Variants in CEP83 observed in about 807,000 individuals in gnomAD.
CEP83 encodes centrosomal protein 83, also known as centrosomal protein of 83 kDa.
CEP83 carries 70 observed loss-of-function variants against 101.9 expected under a neutral mutation model. The ratio of observed to expected loss-of-function variants is 0.69; its 90% confidence interval spans 0.57 to 0.84. The LOEUF is 0.84. Ranked by LOEUF, CEP83 falls within the 40% of genes least tolerant of loss-of-function variation. The pLI is 0.00. For missense variants in CEP83, 715 were observed against 787.2 expected (o/e 0.91, Z 1.10); for synonymous variants, 264 against 267.9 (o/e 0.99, Z 0.14).
intron 11 of CEP83, among the ~76,000 whole-genome samples, chr12:94,363,671 AG>A (rs1166884367): frequency 6.6e-6 from 1 of 152,160 alleles, no homozygotes; most frequent in African/African-American, 2.4e-5. Context: ...ACATTAGGGC[AG>A]GTGCGGTGGC....
At chr12:94,289,678 T>C in the CEP83 span, among the ~76,000 whole-genome samples, 1 of 152,310 alleles carries the variant, frequency 6.6e-6, no homozygotes, top group Non-Finnish European at 1.5e-5. Flanking sequence ...TTTCTGTCCT[T>C]ACCTCAGCAG....
At chr12:94,290,763 C>A in the CEP83 span, among the ~76,000 whole-genome samples, 1 of 152,218 alleles carries the variant, frequency 6.6e-6, no homozygotes, top group Non-Finnish European at 1.5e-5. Context: ...TCCACTCTTT[C>A]CAAACTGGGA....
At chr12:94,310,878 C>T (rs941443874) in intron 15 of CEP83, among the ~76,000 whole-genome samples, 2 of 152,270 alleles carry the variant, frequency 1.3e-5, no homozygotes, top group South Asian at 4.1e-4. Flanking sequence ...TCCTGGCACA[C>T]AGCTCCTAAA....
chr12:94,361,333 G>C (rs1405741171), intron 11 of CEP83: 1 of 152,088 alleles, frequency 6.6e-6, no homozygotes, highest in Non-Finnish European at 1.5e-5. Context: ...TACTGCAATT[G>C]GGCATTCACA....
intron 15 of CEP83, among the ~76,000 whole-genome samples, chr12:94,311,818 T>G (rs1969912993): frequency 6.6e-6 from 1 of 152,158 alleles, no homozygotes; most frequent in Admixed American, 6.5e-5. Context: ...TCAAAATCAC[T>G]CAAAATTCTA....
At chr12:94,332,347 C>A (rs2059258999) in intron 13 of CEP83, among the ~76,000 whole-genome samples, 1 of 152,036 alleles carries the variant, frequency 6.6e-6, no homozygotes, top group Admixed American at 6.5e-5. Flanking sequence ...ATTTTTAAAG[C>A]TATTCTGCAT....
chr12:94,333,179 T>C lies in CEP83; in HGVS notation c.1577+303A>G, dbSNP rs1009267688. On this transcript the variant is annotated intron_variant, in intron 13 of 16. Transcript: ENST00000397809. Reference sequence around the variant, plus strand: ...TTCTGTTCTCTGGCATTCAGAAGAATAGATTTTTGAAGAAATGTTTTGGTT... The same window carrying C: ...TTCTGTTCTCTGGCATTCAGAAGAACAGATTTTTGAAGAAATGTTTTGGTT... Among the ~76,000 whole-genome samples, 6 of 151,906 alleles carry C rather than the reference T, an allele frequency of 3.9e-5. No individual in the cohort carries two copies. In the South Asian group the frequency reaches 6.2e-4, roughly 16 times the overall value.
intron 1 of CEP83, among the ~76,000 whole-genome samples, chr12:94,444,306 G>A (rs2066637848): frequency 6.6e-6 from 1 of 152,128 alleles, no homozygotes; most frequent in African/African-American, 2.4e-5. Flanking sequence ...GCTGAGAGAG[G>A]ATAATCACTT....
intron 13 of CEP83, 122 bp from the exon 14 acceptor site, chr12:94,331,951 G>T: frequency 1.2e-6 from 1 of 833,748 alleles, no homozygotes; most frequent in Non-Finnish European, 1.9e-6. Flanking sequence ...TCCAACTGCA[G>T]GCCCTCCTGT....
intron 1 of CEP83, among the ~76,000 whole-genome samples, chr12:94,451,823 T>G (rs1267565295): frequency 6.6e-6 from 1 of 152,122 alleles, no homozygotes; most frequent in Non-Finnish European, 1.5e-5. Flanking sequence ...AATGAATACA[T>G]ATGCTCACAC....
chr12:94,292,493 T>C, the CEP83 span, among the ~76,000 whole-genome samples: 1 of 152,188 alleles, frequency 6.6e-6, no homozygotes, highest in South Asian at 2.1e-4. Context: ...TATATGCAAA[T>C]TTTGTGATTT....
chr12:94,284,673 G>A, the CEP83 span, among the ~76,000 whole-genome samples: 1 of 152,086 alleles, frequency 6.6e-6, no homozygotes, highest in Non-Finnish European at 1.5e-5. Flanking sequence ...CAGCTAGTCA[G>A]TGGCAGGGCC....
intron 2 of CEP83, among the ~76,000 whole-genome samples, chr12:94,416,268 G>C (rs1485906059): frequency 6.6e-6 from 1 of 152,090 alleles, no homozygotes; most frequent in African/African-American, 2.4e-5. Context: ...CCTGGATTTA[G>C]GTATATGACA....
At chr12:94,266,773 GAGTC>G in the CEP83 span, among the ~76,000 whole-genome samples, 1 of 152,250 alleles carries the variant, frequency 6.6e-6, no homozygotes, top group Non-Finnish European at 1.5e-5. Context: ...TGAGGATTAA[GAGTC>G]AGTATTATAA....
chr12:94,342,426 C>T (rs1250953346), intron 11 of CEP83, among the ~76,000 whole-genome samples: 1 of 152,132 alleles, frequency 6.6e-6, no homozygotes, highest in East Asian at 1.9e-4. Flanking sequence ...AATAAAGCCA[C>T]ACAAAACCAT....
At chr12:94,446,124 G>A (rs2066781285) in intron 1 of CEP83, among the ~76,000 whole-genome samples, 1 of 152,042 alleles carries the variant, frequency 6.6e-6, no homozygotes, top group East Asian at 1.9e-4. Flanking sequence ...TTTATTTCTT[G>A]GGTTAACCCA....
At chr12:94,408,695 T>A (rs2063699508) in intron 4 of CEP83, among the ~76,000 whole-genome samples, 1 of 152,168 alleles carries the variant, frequency 6.6e-6, no homozygotes, top group African/African-American at 2.4e-5. Flanking sequence ...GTCTCCTGAC[T>A]CAGCCTCTCT....
Position 94,379,057 on chromosome 12 carries a change from A to G in CEP83, c.550-15T>C, listed in dbSNP as rs1319414340. 1 of 1,575,672 alleles carries G rather than the reference A, an allele frequency of 6.3e-7. No homozygotes were observed. Among genetic ancestry groups the G allele is most frequent in the South Asian group, 1.1e-5 (1 of 87,536 alleles). ...AGTCTTGCAATCTAATAATAATTTT[A>G]AAGAAAGCATACAAGGTTAAATTAT... On this transcript the variant is annotated splice_polypyrimidine_tract_variant and intron_variant, in intron 6 of 16. Coordinates refer to ENST00000397809, the MANE Select transcript of CEP83 (RefSeq NM_016122.3).
At chr12:94,290,028 T>C in the CEP83 span, among the ~76,000 whole-genome samples, 1 of 152,218 alleles carries the variant, frequency 6.6e-6, no homozygotes, top group Non-Finnish European at 1.5e-5. Context: ...TTGGCAGCGT[T>C]CCTTATCAGA....
Sources: allele counts gnomAD v4.1 joint callset (sites outside exome capture counted in the v4.1 genomes callset), GRCh38; gene constraint gnomAD v4.1.1; transcripts MANE v1.5; gene names NCBI Gene and HGNC (gene_info 2026-07-23, HGNC 2026-07-21).